Variants in AGMO observed in about 807,000 individuals in gnomAD.
AGMO encodes alkylglycerol monooxygenase.
A neutral mutation model predicts 60.2 loss-of-function variants in AGMO; 75 were observed. The ratio of observed to expected loss-of-function variants is 1.25; its 90% CI spans 1.03 to 1.51. AGMO has a LOEUF of 1.51. Ranked by LOEUF, AGMO falls within the 40% of genes most tolerant of loss-of-function variation. AGMO has a pLI of 0.00. For missense variants in AGMO, 763 were observed against 525.5 expected, an observed-to-expected ratio of 1.45 and a Z score of -4.42; for synonymous variants, 261 against 177.1, an observed-to-expected ratio of 1.47 and a Z score of -3.76.
chr7:15,199,315 GAA>G (rs1468731228), downstream of AGMO, among the ~76,000 whole-genome samples: 5 of 152,284 alleles, frequency 3.3e-5, no homozygotes, highest in Non-Finnish European at 5.9e-5. Context: ...ACCCAAGAGA[GAA>G]GAGAGAGAAT....
chr7:15,379,122 T>A (rs1783574818), intron 10 of AGMO, among the ~76,000 whole-genome samples: 2 of 151,874 alleles, frequency 1.3e-5, no homozygotes, highest in Non-Finnish European at 2.9e-5. Flanking sequence ...GCTAAGGCAG[T>A]GTTAAGAGAG....
At chr7:15,407,228 A>AATGCATATATATATATATATATATAT (rs1562491950) in intron 5 of AGMO, among the ~76,000 whole-genome samples, 4 of 72,432 alleles carry the variant, frequency 5.5e-5, no homozygotes, top group South Asian at 4.7e-4. Context: ...CTTTCTTTGG[A>AATGCATATATATATATATATATATAT]ATACATATAT....
chr7:15,292,594 T>C (rs757244982), intron 12 of AGMO, among the ~76,000 whole-genome samples: 1 of 152,082 alleles, frequency 6.6e-6, no homozygotes, highest in Non-Finnish European at 1.5e-5. Context: ...AGGTTCTTTC[T>C]GCACTTGTTT....
intron 12 of AGMO, among the ~76,000 whole-genome samples, chr7:15,237,754 C>T (rs1253195818): frequency 6.6e-6 from 1 of 152,010 alleles, no homozygotes; most frequent in Non-Finnish European, 1.5e-5. Flanking sequence ...TCAGCTTGAC[C>T]AAAGTGTAGA....
the AGMO span, among the ~76,000 whole-genome samples, chr7:15,149,551 C>T: frequency 1.3e-5 from 2 of 152,032 alleles, no homozygotes; most frequent in African/African-American, 4.8e-5. Flanking sequence ...TTATCACGTA[C>T]CGTTTATTGA....
At chr7:15,538,389 C>T (rs770022665) in intron 3 of AGMO, among the ~76,000 whole-genome samples, 4 of 152,092 alleles carry the variant, frequency 2.6e-5, no homozygotes, top group Non-Finnish European at 5.9e-5. Flanking sequence ...CGTGCCACCA[C>T]ACCCAGCTAA....
At chr7:15,327,660 A>T (rs377249349) in intron 12 of AGMO, among the ~76,000 whole-genome samples, 5 of 151,762 alleles carry the variant, frequency 3.3e-5, no homozygotes, top group Non-Finnish European at 7.4e-5. Flanking sequence ...AAGGTTATTT[A>T]CGTTGAGGGT....
intron 10 of AGMO, among the ~76,000 whole-genome samples, chr7:15,374,349 T>C (rs577490762): frequency 6.6e-6 from 1 of 152,152 alleles, no homozygotes; most frequent in African/African-American, 2.4e-5. Context: ...AATAAATATA[T>C]CAAAGGTGAA....
chr7:15,425,338 T>C (rs533294124), intron 4 of AGMO, among the ~76,000 whole-genome samples: 1 of 152,122 alleles, frequency 6.6e-6, no homozygotes, highest in Admixed American at 6.5e-5. Context: ...AAGATCATCA[T>C]TGATTTACAT....
the AGMO span, among the ~76,000 whole-genome samples, chr7:15,123,939 C>T: frequency 6.6e-6 from 1 of 152,046 alleles, no homozygotes; most frequent in Non-Finnish European, 1.5e-5. Context: ...CTTTTTGTAG[C>T]ACTTCTATTC....
chr7:15,375,925 G>A (rs1269855532), intron 10 of AGMO, among the ~76,000 whole-genome samples: 2 of 152,016 alleles, frequency 1.3e-5, no homozygotes, highest in East Asian at 1.9e-4. Context: ...GTGATATGAA[G>A]ATATATTTAA....
intron 12 of AGMO, among the ~76,000 whole-genome samples, chr7:15,317,942 C>T (rs5027976): frequency 0.046 from 2,479 of 53,654 alleles, 65 homozygotes; most frequent in African/African-American, 0.082. Context: ...TATATATATA[C>T]ACACACACAC....
At chr7:15,462,048 C>T (rs1782156659) in intron 3 of AGMO, among the ~76,000 whole-genome samples, 1 of 127,630 alleles carries the variant, frequency 7.8e-6, no homozygotes, top group Admixed American at 7.9e-5. Flanking sequence ...CCAGAAGAAT[C>T]CTACTTGGAA....
At chr7:15,446,935 C>A (rs1163055623) in intron 3 of AGMO, among the ~76,000 whole-genome samples, 2 of 152,138 alleles carry the variant, frequency 1.3e-5, no homozygotes, top group African/African-American at 4.8e-5. Context: ...ACTTTGTCAG[C>A]CAATATCCAG....
chr7:15,198,749 G>A (rs1176527224), downstream of AGMO, among the ~76,000 whole-genome samples: 1 of 152,024 alleles, frequency 6.6e-6, no homozygotes, highest in Non-Finnish European at 1.5e-5. Context: ...TCAGTTCTTG[G>A]GTGGGGGCCA....
At chr7:15,151,690 C>A in the AGMO span, among the ~76,000 whole-genome samples, 47 of 151,970 alleles carry the variant, frequency 3.1e-4, 2 homozygotes, top group South Asian at 4.1e-4. Context: ...GGATTTGGGT[C>A]TTTTTAAAAA....
At chr7:15,496,748 C>G (rs1429144310) in intron 3 of AGMO, among the ~76,000 whole-genome samples, 3 of 152,082 alleles carry the variant, frequency 2.0e-5, no homozygotes, top group Non-Finnish European at 4.4e-5. Flanking sequence ...TGGTTACATA[C>G]ATGTTTTTAA....
chr7:15,387,497 G>A lies in AGMO; in HGVS notation c.866C>T (p.Pro289Leu). The A allele has an allele frequency of 6.2e-7, 1 of 1,613,840 alleles. No individual in the cohort carries two copies. The change falls in exon 9 of 13, where the codon CCT becomes CTT. Residue 289 changes from proline to leucine, a missense_variant. Transcript: ENST00000342526. ...GACAGAAAACTTATTGAAGAATCCAGGTGTGGCCCAGAATGTAGTCCATAT... is the reference window on the plus strand; with the variant it reads ...GACAGAAAACTTATTGAAGAATCCAAGTGTGGCCCAGAATGTAGTCCATAT... Reference protein sequence around the residue: ...FSIWTTFWATPGFFNKFSVIF... With the variant: ...FSIWTTFWATLGFFNKFSVIF...
At chr7:15,418,505 A>G (rs996375396) in intron 5 of AGMO, 53 bp downstream of exon 5, 2 of 1,136,420 alleles carry the variant, frequency 1.8e-6, no homozygotes, top group African/African-American at 3.2e-5. Context: ...TTTCCAGGAC[A>G]TTGCTTCAGG....
Sources: gnomAD v4.1 joint callset for allele counts (sites outside exome capture counted in the v4.1 genomes callset) on GRCh38, gnomAD v4.1.1 for gene constraint, MANE v1.5 for transcripts, NCBI Gene and HGNC (gene_info 2026-07-23, HGNC 2026-07-21) for gene names.